UBAC2: variants seen among roughly 807,000 people sequenced by gnomAD.
The protein encoded by UBAC2 is ubiquitin-associated domain-containing protein 2.
UBAC2 carries 26 observed loss-of-function variants against 44.0 expected under a neutral mutation model. The observed-to-expected ratio is 0.59, with a 90% confidence interval of 0.43 to 0.82. UBAC2 has a LOEUF of 0.82. Among genes scored for constraint, UBAC2 ranks in the 40% least tolerant of loss-of-function variants. The pLI is 0.00. For missense variants in UBAC2, 329 were observed against 419.4 expected, an observed-to-expected ratio of 0.78 and a Z score of 1.88; for synonymous variants, 155 against 154.3, an observed-to-expected ratio of 1.00 and a Z score of -0.04.
At chr13:99,219,853 A>G (rs1200899734) in intron 1 of UBAC2, among the ~76,000 whole-genome samples, 1 of 152,172 alleles carries the variant, frequency 6.6e-6, no homozygotes, top group Non-Finnish European at 1.5e-5. Flanking sequence ...TTCACTTAGC[A>G]TAATGTTTTT....
chr13:99,337,316 G>A (rs575663865), intron 6 of UBAC2, among the ~76,000 whole-genome samples: 1 of 151,532 alleles, frequency 6.6e-6, no homozygotes, highest in Non-Finnish European at 1.5e-5. Flanking sequence ...CACTAGGGTT[G>A]GTTTTGAAAA....
intron 4 of UBAC2, among the ~76,000 whole-genome samples, chr13:99,246,935 T>C (rs1410058850): frequency 6.6e-6 from 1 of 152,194 alleles, no homozygotes; most frequent in Non-Finnish European, 1.5e-5. Context: ...AAACATAGAC[T>C]TTTTGGAACA....
intron 6 of UBAC2, among the ~76,000 whole-genome samples, chr13:99,339,393 T>G (rs951900719): frequency 2.6e-5 from 4 of 152,230 alleles, no homozygotes; most frequent in African/African-American, 9.6e-5. Flanking sequence ...TTGACTTGAT[T>G]ACTGCCTGTT....
chr13:99,259,559 G>A (rs547502223), intron 4 of UBAC2, among the ~76,000 whole-genome samples: 2 of 152,252 alleles, frequency 1.3e-5, no homozygotes, highest in Admixed American at 1.3e-4. Flanking sequence ...GTAAAGCCAG[G>A]TCCAGTTTCT....
At chr13:99,273,647 C>G (rs1594076579) in intron 4 of UBAC2, among the ~76,000 whole-genome samples, 1 of 151,986 alleles carries the variant, frequency 6.6e-6, no homozygotes, top group South Asian at 2.1e-4. Context: ...TACTTTGTGA[C>G]AGTTTTGATG....
intron 1 of UBAC2, among the ~76,000 whole-genome samples, chr13:99,237,423 A>C (rs1305660690): frequency 1.3e-5 from 2 of 152,196 alleles, no homozygotes; most frequent in African/African-American, 2.4e-5. Context: ...CACACGTGGA[A>C]GCTAAAATAG....
At chr13:99,339,053 A>T (rs1051231299) in intron 6 of UBAC2, among the ~76,000 whole-genome samples, 1 of 151,730 alleles carries the variant, frequency 6.6e-6, no homozygotes, top group African/African-American at 2.4e-5. Context: ...GTTACCCTAA[A>T]TGTCATATCA....
At chr13:99,282,165 C>T (rs2043962427) in intron 4 of UBAC2, among the ~76,000 whole-genome samples, 2 of 152,270 alleles carry the variant, frequency 1.3e-5, no homozygotes, top group Admixed American at 6.5e-5. Context: ...AACCTCCTTT[C>T]CCCAGTCTTA....
intron 6 of UBAC2, among the ~76,000 whole-genome samples, chr13:99,325,787 G>A (rs1311885750): frequency 1.3e-5 from 2 of 152,160 alleles, no homozygotes; most frequent in South Asian, 4.1e-4. Flanking sequence ...GAATCATGCA[G>A]TATTTGTCTT....
At chr13:99,217,569 A>G (rs1254071457) in intron 1 of UBAC2, among the ~76,000 whole-genome samples, 1 of 152,172 alleles carries the variant, frequency 6.6e-6, no homozygotes, top group Non-Finnish European at 1.5e-5. Flanking sequence ...CCTTGAACAC[A>G]GGGAGGCACC....
At chr13:99,292,717 G>GTTT (rs2044107610) in intron 4 of UBAC2, among the ~76,000 whole-genome samples, 4 of 10,756 alleles carry the variant, frequency 3.7e-4, no homozygotes, top group East Asian at 4.9e-3. Context: ...TAGCTTTGAG[G>GTTT]GTTTTTTTTT....
rs1294048527 is a variant in UBAC2, at chr13:99,318,033, T to C, written c.525T>C (p.Ser175=). Residue 175 remains serine, a synonymous_variant, in exon 6 of 9, where the codon TCT becomes TCC. Transcript: ENST00000403766. ...IYILGLQLFT[S]GSYIWIVAIS... ...TTTTTCTTTTATAGCTTTTCACCTC[T>C]GGTTCCTACATCTGGATTGTAGCCA... The C allele has an allele frequency of 6.2e-7, 1 of 1,611,122 alleles. No individual in the cohort carries two copies. Among genetic ancestry groups the C allele is most frequent in the African/African-American group, 1.3e-5 (1 of 74,672 alleles).
intron 6 of UBAC2, among the ~76,000 whole-genome samples, chr13:99,320,481 A>G (rs2044553468): frequency 6.6e-6 from 1 of 152,166 alleles, no homozygotes; most frequent in Non-Finnish European, 1.5e-5. Context: ...AGCCTTTTAC[A>G]GTCATTGATT....
At chr13:99,346,020 C>T (rs1476490031) in intron 7 of UBAC2, among the ~76,000 whole-genome samples, 1 of 152,180 alleles carries the variant, frequency 6.6e-6, no homozygotes, top group Non-Finnish European at 1.5e-5. Flanking sequence ...GGATTACAGG[C>T]GTGAGCCACC....
At chr13:99,293,643 C>T (rs537599018) in intron 4 of UBAC2, among the ~76,000 whole-genome samples, 1 of 152,156 alleles carries the variant, frequency 6.6e-6, no homozygotes, top group Admixed American at 6.5e-5. Context: ...TTACAAAGAC[C>T]AGTGCCTATT....
chr13:99,242,563 C>T (rs1566463725), intron 2 of UBAC2, among the ~76,000 whole-genome samples: 3 of 138,026 alleles, frequency 2.2e-5, no homozygotes, highest in Non-Finnish European at 4.8e-5. Context: ...GGGCTCCTCA[C>T]TTCCCAGTAG....
At chr13:99,255,831 G>A (rs750837913) in intron 4 of UBAC2, 101 of 1,602,858 alleles carry the variant, frequency 6.3e-5, no homozygotes, top group Non-Finnish European at 8.4e-5. Flanking sequence ...GATGTGAGCT[G>A]TTAAAAGGGA....
intron 4 of UBAC2, chr13:99,294,980 C>T: frequency 6.9e-7 from 1 of 1,459,302 alleles, no homozygotes; most frequent in Non-Finnish European, 9.2e-7. Flanking sequence ...GGAAGCTGAA[C>T]AATTATTTTG....
intron 4 of UBAC2, among the ~76,000 whole-genome samples, chr13:99,289,294 C>T (rs1053727923): frequency 1.3e-4 from 20 of 152,114 alleles, no homozygotes; most frequent in African/African-American, 4.1e-4. Context: ...TTAAGGGAGG[C>T]GGTGTGATTT....
Sources: gnomAD v4.1 joint callset for allele counts (sites outside exome capture counted in the v4.1 genomes callset) on GRCh38, gnomAD v4.1.1 for gene constraint, MANE v1.5 for transcripts, NCBI Gene and HGNC (gene_info 2026-07-23, HGNC 2026-07-21) for gene names.